The following OSBPL10 variants were observed in gnomAD, a reference collection of about 807,000 sequenced individuals.
OSBPL10 encodes oxysterol binding protein like 10, also known as oxysterol-binding protein-related protein 10.
OSBPL10 carries 49 observed loss-of-function variants against 81.7 expected under a neutral mutation model. The ratio of observed to expected loss-of-function variants is 0.60; its 90% CI spans 0.48 to 0.76. The LOEUF is 0.76. OSBPL10 is among the 30% of genes least tolerant of loss of function. The pLI is 0.00. For missense variants in OSBPL10, 923 were observed against 987.8 expected (o/e 0.93, Z 0.88); for synonymous variants, 419 against 383.6 (o/e 1.09, Z -1.08).
intron 1 of OSBPL10, among the ~76,000 whole-genome samples, chr3:31,888,613 A>G (rs975802071): frequency 6.6e-6 from 1 of 152,074 alleles, no homozygotes; most frequent in Non-Finnish European, 1.5e-5. Flanking sequence ...AACTCAAACA[A>G]CAGCGAAAAA....
At chr3:31,816,043 G>A (rs1211634882) in intron 4 of OSBPL10, among the ~76,000 whole-genome samples, 2 of 152,114 alleles carry the variant, frequency 1.3e-5, no homozygotes, top group Non-Finnish European at 2.9e-5. Flanking sequence ...AGCCAGAGAG[G>A]GGCAAGATAG....
chr3:32,010,956 G>A (rs567893491), intron 2 of OSBPL10, among the ~76,000 whole-genome samples: 9,722 of 152,196 alleles, frequency 0.064, 585 homozygotes, highest in East Asian at 0.32. Flanking sequence ...GCTCAAACTG[G>A]TTGGAGCCCA....
At chr3:31,756,950 G>T (rs1447780639) in intron 4 of OSBPL10, among the ~76,000 whole-genome samples, 1 of 152,220 alleles carries the variant, frequency 6.6e-6, no homozygotes, top group African/African-American at 2.4e-5. Context: ...GCTTCTGAAT[G>T]TATCACTGTA....
At chr3:31,740,855 A>ATT (rs948579604) in intron 5 of OSBPL10, among the ~76,000 whole-genome samples, 7 of 134,692 alleles carry the variant, frequency 5.2e-5, no homozygotes, top group African/African-American at 1.9e-4. Context: ...CACTACTAGA[A>ATT]TTTATATATA....
rs151153035 is a variant in OSBPL10 at position 31,883,171 on chromosome 3, G to T, written c.282-3341C>A. 3.6e-4 allele frequency among the ~76,000 whole-genome samples: 54 copies of T among 152,104 alleles called. 2 individuals are homozygous for T. The highest frequency in any genetic ancestry group is 1.2e-3 in the African/African-American group (50 of 41,486). On this transcript the variant is annotated intron_variant, in intron 1 of 11. Transcript: ENST00000396556. ...AGGTAGGCTCACACTACAGCACGTT[G>T]TGCCATGTGTGCCCCCCTACACACA...
At chr3:32,007,171 T>G (rs1014320430) in intron 2 of OSBPL10, among the ~76,000 whole-genome samples, 4 of 152,302 alleles carry the variant, frequency 2.6e-5, no homozygotes, top group Admixed American at 6.5e-5. Flanking sequence ...CATGATGAAA[T>G]TTTTGTTTTT....
intron 1 of OSBPL10, chr3:31,906,968 C>T (rs1198664874): frequency 6.6e-6 from 1 of 152,212 alleles, no homozygotes; most frequent in Non-Finnish European, 1.5e-5. Flanking sequence ...GAAAGCAGAT[C>T]ATTTCTCCAG....
chr3:31,961,352 C>T (rs979661369), intron 1 of OSBPL10, among the ~76,000 whole-genome samples: 1 of 152,036 alleles, frequency 6.6e-6, no homozygotes, highest in Non-Finnish European at 1.5e-5. Flanking sequence ...AAAGTGAGCT[C>T]CCAGGGCTCG....
At chr3:31,838,967 T>G (rs1438329013) in intron 3 of OSBPL10, among the ~76,000 whole-genome samples, 1 of 152,182 alleles carries the variant, frequency 6.6e-6, no homozygotes, top group Non-Finnish European at 1.5e-5. Flanking sequence ...GAATCATCTG[T>G]CTCCACAGCT....
chr3:31,734,640 A>G (rs1407948440), intron 5 of OSBPL10, among the ~76,000 whole-genome samples: 5 of 152,178 alleles, frequency 3.3e-5, no homozygotes, highest in African/African-American at 9.7e-5. Context: ...TGGGAAGCTG[A>G]GGTGGGAGGA....
At chr3:31,679,189 C>A (rs1325830578) in intron 8 of OSBPL10, among the ~76,000 whole-genome samples, 1 of 152,180 alleles carries the variant, frequency 6.6e-6, no homozygotes, top group East Asian at 1.9e-4. Flanking sequence ...CCTTCTTAAA[C>A]CTGCTTCAGG....
At chr3:31,992,597 T>G (rs2125523884) in intron 2 of OSBPL10, among the ~76,000 whole-genome samples, 1 of 152,330 alleles carries the variant, frequency 6.6e-6, no homozygotes, top group African/African-American at 2.4e-5. Context: ...CTTCTCTGAC[T>G]CTGACCCTCC....
At chr3:31,753,288 G>A (rs1338972512) in intron 4 of OSBPL10, among the ~76,000 whole-genome samples, 2 of 151,384 alleles carry the variant, frequency 1.3e-5, no homozygotes, top group Non-Finnish European at 2.9e-5. Context: ...CGCCTCCTGG[G>A]TTTAAGTGAT....
chr3:31,849,215 C>A (rs1299102537), intron 3 of OSBPL10, among the ~76,000 whole-genome samples: 1 of 152,182 alleles, frequency 6.6e-6, no homozygotes, highest in African/African-American at 2.4e-5. Context: ...ATCAAATGAG[C>A]CTGCCCAGAT....
intron 1 of OSBPL10, among the ~76,000 whole-genome samples, chr3:31,949,158 A>G (rs558096385): frequency 2.6e-5 from 4 of 152,288 alleles, no homozygotes; most frequent in East Asian, 1.9e-4. Context: ...TCTTAGCCCA[A>G]TGCAAATCTG....
intron 1 of OSBPL10, among the ~76,000 whole-genome samples, chr3:32,070,367 A>G (rs532285123): frequency 7.9e-5 from 12 of 152,276 alleles, no homozygotes; most frequent in African/African-American, 2.6e-4. Context: ...TTATTAGGTC[A>G]AGACATTTTA....
At chr3:31,765,645 T>C (rs1216810321) in intron 4 of OSBPL10, among the ~76,000 whole-genome samples, 2 of 152,120 alleles carry the variant, frequency 1.3e-5, no homozygotes, top group East Asian at 3.9e-4. Context: ...ACAAAAACAA[T>C]GTATACACCC....
intron 2 of OSBPL10, chr3:31,991,128 T>A (rs1415199591): frequency 6.3e-6 from 5 of 798,158 alleles, no homozygotes; most frequent in Non-Finnish European, 1.0e-5. Flanking sequence ...AGTTCAAGCA[T>A]TAATTGACAT....
At chr3:31,962,412 A>G (rs1200514925) in intron 1 of OSBPL10, among the ~76,000 whole-genome samples, 1 of 152,240 alleles carries the variant, frequency 6.6e-6, no homozygotes, top group Non-Finnish European at 1.5e-5. Context: ...AGTACCGGAC[A>G]TGAAAAGTGG....
Sources: gnomAD v4.1 joint callset for allele counts (sites outside exome capture counted in the v4.1 genomes callset) on GRCh38, gnomAD v4.1.1 for gene constraint, MANE v1.5 for transcripts, NCBI Gene and HGNC (gene_info 2026-07-23, HGNC 2026-07-21) for gene names.